TMEM132B: variants seen among roughly 807,000 people sequenced by gnomAD.
TMEM132B encodes the protein transmembrane protein 132B.
In TMEM132B, 18 loss-of-function variants were observed where a neutral mutation model predicts 90.8. The ratio of observed to expected loss-of-function variants is 0.20; its 90% CI spans 0.14 to 0.29. The LOEUF is 0.29. Among genes scored for constraint, TMEM132B ranks in the 10% least tolerant of loss-of-function variants. The pLI is 1.00. For missense variants in TMEM132B, 1,096 were observed against 1,326.8 expected (o/e 0.83, Z 2.70); for synonymous variants, 504 against 523.3 (o/e 0.96, Z 0.50).
At chr12:125,512,244 G>T (rs750031538) in intron 3 of TMEM132B, among the ~76,000 whole-genome samples, 1 of 152,178 alleles carries the variant, frequency 6.6e-6, no homozygotes, top group African/African-American at 2.4e-5. Flanking sequence ...ACAGTGTTCT[G>T]CCCCAGCTGG....
chr12:125,376,980 A>G (rs1566017410), intron 2 of TMEM132B, among the ~76,000 whole-genome samples: 1 of 152,230 alleles, frequency 6.6e-6, no homozygotes, highest in African/African-American at 2.4e-5. Flanking sequence ...GACCACTGGC[A>G]GTGGGATCCC....
intron 1 of TMEM132B, among the ~76,000 whole-genome samples, chr12:125,296,916 A>G (rs1311804336): frequency 6.6e-6 from 1 of 152,340 alleles, no homozygotes; most frequent in African/African-American, 2.4e-5. Flanking sequence ...TTAACCGTGC[A>G]CAGGAGGCCT....
chr12:125,575,056 T>TTATATATATA (rs1566078420), intron 4 of TMEM132B, among the ~76,000 whole-genome samples: 3 of 11,054 alleles, frequency 2.7e-4, no homozygotes, highest in African/African-American at 5.1e-4. Flanking sequence ...CTATTAGCTG[T>TTATATATATA]CATATATATA....
chr12:125,576,857 T>G (rs748114982), intron 4 of TMEM132B, among the ~76,000 whole-genome samples: 9 of 151,970 alleles, frequency 5.9e-5, no homozygotes, highest in Non-Finnish European at 8.8e-5. Context: ...AAAATGTTGC[T>G]TGCATTTGTT....
intron 1 of TMEM132B, among the ~76,000 whole-genome samples, chr12:125,325,845 T>A (rs1177844875): frequency 6.6e-6 from 1 of 152,182 alleles, no homozygotes; most frequent in East Asian, 1.9e-4. Context: ...TCACATGGGA[T>A]GCTGTGGATT....
intron 2 of TMEM132B, among the ~76,000 whole-genome samples, chr12:125,389,847 A>T (rs954134308): frequency 6.6e-6 from 1 of 152,236 alleles, no homozygotes; most frequent in Non-Finnish European, 1.5e-5. Context: ...TACCTTGCAT[A>T]TAATAGGTGC....
intron 3 of TMEM132B, among the ~76,000 whole-genome samples, chr12:125,434,303 C>G (rs1880633127): frequency 6.6e-6 from 1 of 152,204 alleles, no homozygotes; most frequent in Admixed American, 6.5e-5. Context: ...ATAATCTCCC[C>G]ACCCCAGGAA....
In TMEM132B at chr12:125,654,718, T is replaced by G. The variant is rs1054737881; in HGVS notation, c.*8T>G. The G allele has an allele frequency of 1.2e-6, 2 of 1,607,312 alleles. No homozygotes were observed. Among genetic ancestry groups the G allele is most frequent in the Non-Finnish European group, 1.7e-6 (2 of 1,176,130 alleles). ...CTGCAAGACCAGATGTAAACTCCTT[T>G]CTTATGTTTGTATTCACCTTTATGC... On this transcript the variant is annotated 3_prime_UTR_variant, in exon 9 of 9. Transcript: ENST00000682704. This position sits in a 1 kb window ranked among gnomAD's most constrained non-coding sequence, Gnocchi z 5.8.
At chr12:125,428,434 T>A (rs1880396982) in intron 3 of TMEM132B, among the ~76,000 whole-genome samples, 1 of 152,204 alleles carries the variant, frequency 6.6e-6, no homozygotes, top group Non-Finnish European at 1.5e-5. Flanking sequence ...ACCTATTTAT[T>A]GCCATTATGT....
intron 5 of TMEM132B, among the ~76,000 whole-genome samples, chr12:125,590,638 A>AG: frequency 6.6e-6 from 1 of 152,324 alleles, no homozygotes; most frequent in South Asian, 2.1e-4. Flanking sequence ...TGTGGAGGGC[A>AG]ATATATAAAC....
intron 3 of TMEM132B, among the ~76,000 whole-genome samples, chr12:125,476,635 T>G (rs1320244466): frequency 6.6e-6 from 1 of 152,092 alleles, no homozygotes; most frequent in Non-Finnish European, 1.5e-5. Flanking sequence ...TTTGGTGGGG[T>G]TGAGTTGCTA....
intron 1 of TMEM132B, among the ~76,000 whole-genome samples, chr12:125,232,455 C>CT (rs71834054): frequency 4.6e-4 from 67 of 145,648 alleles, no homozygotes; most frequent in Admixed American, 5.5e-4. Context: ...TTTCACTTAC[C>CT]TTTTTTTTTT....
At chr12:125,515,397 ACAAATACATT>A (rs1489155575) in intron 3 of TMEM132B, among the ~76,000 whole-genome samples, 1 of 90,812 alleles carries the variant, frequency 1.1e-5, no homozygotes, top group African/African-American at 5.9e-5. Flanking sequence ...ACATTCTCTC[ACAAATACATT>A]CAAACATTTG....
At position 125,490,028 on chromosome 12, in the gene TMEM132B, A is replaced by C. The variant is rs141720311; in HGVS notation, c.1107-29411A>C. On this transcript the variant is annotated intron_variant, in intron 3 of 8. Transcript: ENST00000682704. The surrounding 1 kb of genome is among the most constrained non-coding windows in gnomAD (Gnocchi z 4.2). ...AGTTATCAATTAAAAATAATTATCT[A>C]TTGTTTAGCTACATAAATTCCACGT... is the stretch of plus-strand genomic sequence containing the variant. Among the ~76,000 whole-genome samples the C allele has an allele frequency of 4.2e-3, 635 of 152,284 alleles. 8 individuals carry two copies. The highest frequency in any genetic ancestry group is 0.015 in the African/African-American group (614 of 41,566).
chr12:125,351,261 C>T (rs201293543), intron 2 of TMEM132B, among the ~76,000 whole-genome samples: 1 of 152,160 alleles, frequency 6.6e-6, no homozygotes, highest in Non-Finnish European at 1.5e-5. Context: ...TCCAATAAAA[C>T]TTTAGTTACA....
intron 1 of TMEM132B, among the ~76,000 whole-genome samples, chr12:125,303,474 T>G (rs1257854869): frequency 6.6e-6 from 1 of 152,246 alleles, no homozygotes; most frequent in African/African-American, 2.4e-5. Flanking sequence ...TTTGAATATC[T>G]GTTTTCAGAT....
intron 5 of TMEM132B, among the ~76,000 whole-genome samples, chr12:125,630,485 C>G (rs1281837394): frequency 5.3e-5 from 8 of 152,158 alleles, no homozygotes; most frequent in African/African-American, 1.9e-4. Flanking sequence ...GTTGTAATGT[C>G]TGCTTTTTCA....
intron 2 of TMEM132B, among the ~76,000 whole-genome samples, chr12:125,377,551 G>A (rs1217776004): frequency 5.3e-5 from 8 of 152,142 alleles, no homozygotes; most frequent in African/African-American, 1.7e-4. Flanking sequence ...GAGTGCTGTG[G>A]TGAGGAATAC....
rs879129565 is a variant in TMEM132B at position 125,652,422 on chromosome 12, C to A, written c.1915-19C>A. ...TCATGAGGAGCAGAGATGCATGAGT[C>A]TCCTCGCTGACTTTTCAGGTCCTCT... On this transcript the variant is annotated intron_variant, in intron 7 of 8. Coordinates refer to ENST00000682704, the MANE Select transcript of TMEM132B (RefSeq NM_001366854.1). 12 of 1,565,902 alleles carry A rather than the reference C, an allele frequency of 7.7e-6. No individual in the cohort carries two copies. The South Asian group carries it at 1.5e-4, about 19-fold the overall frequency.
Sources: gnomAD v4.1 joint callset for allele counts (sites outside exome capture counted in the v4.1 genomes callset) on GRCh38, gnomAD v4.1.1 for gene constraint, Gnocchi (gnomAD v3.1) non-coding constraint, MANE v1.5 for transcripts, NCBI Gene and HGNC (gene_info 2026-07-23, HGNC 2026-07-21) for gene names.